Variants in MICAL3 observed in about 807,000 individuals in gnomAD.
The protein encoded by MICAL3 is [F-actin]-monooxygenase MICAL3.
Under a neutral mutation model 207.4 loss-of-function variants are expected in MICAL3, and 62 were observed. The observed-to-expected ratio is 0.30, with a 90% CI of 0.24 to 0.37. The LOEUF is 0.37. Among genes scored for constraint, MICAL3 ranks in the 10% least tolerant of loss-of-function variants. The pLI is 1.00. For missense variants in MICAL3, 2,368 were observed against 2,635.6 expected, an observed-to-expected ratio of 0.90 and a Z score of 2.22; for synonymous variants, 1,077 against 1,069.3, an observed-to-expected ratio of 1.01 and a Z score of -0.14.
At chr22:17,865,780 G>T (rs533645454) in intron 18 of MICAL3, 144 bp downstream of exon 18, 1 of 684,282 alleles carries the variant, frequency 1.5e-6, no homozygotes, top group East Asian at 2.7e-5. Context: ...TCTCCACCCC[G>T]GACTGCCACT....
At chr22:17,843,424 G>A (rs921563661) in intron 19 of MICAL3, among the ~76,000 whole-genome samples, 3 of 152,100 alleles carry the variant, frequency 2.0e-5, no homozygotes, top group South Asian at 2.1e-4. Context: ...AGGTGGAGGC[G>A]GGCAACCCCA....
intron 1 of MICAL3, among the ~76,000 whole-genome samples, chr22:17,986,243 G>C (rs1037853529): frequency 6.6e-6 from 1 of 152,178 alleles, no homozygotes; most frequent in South Asian, 2.1e-4. Context: ...TGACTGGTCC[G>C]GGCACAGTGG....
chr22:17,959,765 C>T (rs1407158025), intron 1 of MICAL3, among the ~76,000 whole-genome samples: 1 of 152,020 alleles, frequency 6.6e-6, no homozygotes, highest in Non-Finnish European at 1.5e-5. Flanking sequence ...ATAGATAGCT[C>T]TCCCTGCCCA....
At chr22:17,920,473 C>A (rs905857162) in intron 1 of MICAL3, among the ~76,000 whole-genome samples, 2 of 152,188 alleles carry the variant, frequency 1.3e-5, no homozygotes, top group Non-Finnish European at 2.9e-5. Context: ...CAGGCTCAGA[C>A]GCGTTCCGGT....
At position 17,969,991 on chromosome 22, in the gene MICAL3, G is replaced by A. The variant is rs572133624; in HGVS notation, c.-75+54290C>T. On this transcript the variant is annotated intron_variant, in intron 1 of 31. Transcript: ENST00000441493. Reference sequence around the variant, plus strand: ...AAGGGCACTCTGAGGCCACATAGTCGGTAATCAGACTTCCCTTTGGTCCAC... The same window carrying A: ...AAGGGCACTCTGAGGCCACATAGTCAGTAATCAGACTTCCCTTTGGTCCAC... Among the ~76,000 whole-genome samples, 37 of 152,332 alleles carry A rather than the reference G, an allele frequency of 2.4e-4. 1 individual carries two copies. The highest frequency in any genetic ancestry group is 1.9e-3 in the South Asian group (9 of 4,830).
Position 17,791,071 on chromosome 22 carries a change from A to C in MICAL3, c.5751T>G (p.Phe1917Leu). ...MVRYESELMI[F>L]ARELELEDRQ... Reference sequence around the variant, plus strand: ...GGTCTTCCAGCTCCAGCTCCCGGGCACTGAGGAGGCAGGGCAGGAGGGAGA... The same window carrying C: ...GGTCTTCCAGCTCCAGCTCCCGGGCCCTGAGGAGGCAGGGCAGGAGGGAGA... The change falls in exon 31 of 32, where the codon TTT (phenylalanine) becomes TTG (leucine). Residue 1917 changes from phenylalanine (F) to leucine (L), a missense_variant and splice_region_variant. By Grantham distance (22) the Phe-to-Leu change is conservative. Transcript: ENST00000441493. 1 of 1,611,208 alleles carries C rather than the reference A, an allele frequency of 6.2e-7. No individual in the cohort carries two copies.
At chr22:17,959,362 T>C (rs550492796) in intron 1 of MICAL3, among the ~76,000 whole-genome samples, 18 of 151,664 alleles carry the variant, frequency 1.2e-4, no homozygotes, top group African/African-American at 3.6e-4. Flanking sequence ...TCACCCAGGC[T>C]GGAGTGCAGT....
rs769651186 is a variant in MICAL3, at chr22:17,864,982, G to A, written c.2522C>T (p.Ala841Val). The A allele has an allele frequency of 1.2e-6, 2 of 1,603,382 alleles. No homozygotes were observed. The highest frequency in any genetic ancestry group is 1.1e-5 in the South Asian group (1 of 90,888). The part of the protein sequence containing the change: ...PAVAPLSGKE[A>V]KGPLQDGATT... The stretch of plus-strand genomic sequence containing the variant: ...GGCGCCATCCTGCAGGGGTCCTTTG[G>A]CCTCCTAGGAAAGTTCATGAGAAAA... The change falls in exon 19 of 32, where the codon GCC becomes GTC. Residue 841 changes from alanine (A) to valine (V), a missense_variant. By Grantham distance (64) the Ala-to-Val change is moderately conservative. Coordinates refer to ENST00000441493, the MANE Select transcript of MICAL3 (RefSeq NM_015241.3).
intron 19 of MICAL3, among the ~76,000 whole-genome samples, chr22:17,851,729 A>C (rs1925359649): frequency 6.6e-6 from 1 of 152,242 alleles, no homozygotes; most frequent in Admixed American, 6.5e-5. Context: ...AGACGGCAAG[A>C]GTTCTCACAG....
intron 2 of MICAL3, 134 bp from the exon 3 acceptor site, chr22:17,904,973 C>T (rs1263796211): frequency 1.5e-6 from 1 of 687,924 alleles, no homozygotes; most frequent in Non-Finnish European, 2.5e-6. Context: ...GAAACCTTCA[C>T]ACCTACGTGG....
chr22:17,834,191 T>C (rs1304994603), intron 20 of MICAL3: 1 of 1,002,598 alleles, frequency 1.0e-6, no homozygotes, highest in African/African-American at 1.8e-5. Context: ...TGACTGTGAG[T>C]TGATTATTTG....
chr22:17,812,560 T>G, intron 27 of MICAL3: 1 of 985,348 alleles, frequency 1.0e-6, no homozygotes, highest in Non-Finnish European at 1.2e-6. Flanking sequence ...TAAATTGACT[T>G]TTAAGCGGAT....
intron 16 of MICAL3, among the ~76,000 whole-genome samples, chr22:17,877,333 T>TGGAGGTTAGGGAGGTTAG (rs1256770924): frequency 1.8e-4 from 2 of 11,220 alleles, no homozygotes; most frequent in Non-Finnish European, 3.1e-4. Flanking sequence ...AGGGAGGTTA[T>TGGAGGTTAGGGAGGTTAG]GGAGGTTAGG....
intron 5 of MICAL3, 63 bp from the exon 6 acceptor site, chr22:17,901,060 T>A: frequency 1.3e-6 from 2 of 1,519,740 alleles, no homozygotes; most frequent in South Asian, 2.3e-5. Context: ...TCACTTCAGA[T>A]AAAGTGGGGG....
chr22:17,960,111 G>A (rs1049192763), intron 1 of MICAL3, among the ~76,000 whole-genome samples: 1 of 152,186 alleles, frequency 6.6e-6, no homozygotes, highest in South Asian at 2.1e-4. Flanking sequence ...GTTCCCGGAA[G>A]GCATCTTCCC....
At chr22:17,795,046 G>A (rs1052012594) in intron 29 of MICAL3, among the ~76,000 whole-genome samples, 10 of 152,214 alleles carry the variant, frequency 6.6e-5, no homozygotes, top group Non-Finnish European at 1.3e-4. Context: ...CATGAATACA[G>A]GTGTTTTCTG....
At chr22:17,987,068 T>C (rs865937084) in intron 1 of MICAL3, among the ~76,000 whole-genome samples, 1 of 151,374 alleles carries the variant, frequency 6.6e-6, no homozygotes, top group Non-Finnish European at 1.5e-5. Flanking sequence ...CGAGACCCCA[T>C]CTCCACTAAA....
At chr22:17,852,124 G>A (rs1276713921) in intron 19 of MICAL3, among the ~76,000 whole-genome samples, 2 of 152,062 alleles carry the variant, frequency 1.3e-5, no homozygotes, top group Non-Finnish European at 2.9e-5. Context: ...GGTCTACATC[G>A]CAGGATCCAC....
intron 17 of MICAL3, among the ~76,000 whole-genome samples, chr22:17,869,889 A>T (rs1320288468): frequency 6.6e-6 from 1 of 152,236 alleles, no homozygotes; most frequent in Admixed American, 6.5e-5. Flanking sequence ...GTTGGGGCGC[A>T]GCACAAGGCC....
Sources: allele counts gnomAD v4.1 joint callset (sites outside exome capture counted in the v4.1 genomes callset), GRCh38; gene constraint gnomAD v4.1.1; transcripts MANE v1.5; gene names NCBI Gene and HGNC (gene_info 2026-07-23, HGNC 2026-07-21).